The following RAB10 variants were observed in gnomAD, a reference collection of about 807,000 sequenced individuals.
The protein encoded by RAB10 is RAB10, member RAS oncogene family.
In RAB10, 5 loss-of-function variants were observed where a neutral mutation model predicts 25.7. The observed-to-expected ratio is 0.19, with a 90% CI of 0.10 to 0.41. The LOEUF is 0.41. Ranked by LOEUF, RAB10 falls within the 10% of genes least tolerant of loss-of-function variation. The pLI, the probability that RAB10 is intolerant of heterozygous loss-of-function variation, is 1.00. For missense variants in RAB10, 103 were observed against 245.8 expected (o/e 0.42, Z 3.89); for synonymous variants, 89 against 86.4 (o/e 1.03, Z -0.16).
chr2:26,034,434 C>T lies in RAB10; in HGVS notation c.-175C>T. The T allele has an allele frequency of 2.5e-6, 2 of 815,322 alleles. No individual in the cohort carries two copies. The highest frequency in any genetic ancestry group is 2.7e-5 in the East Asian group (1 of 37,244). 50.5% of individuals were successfully genotyped at this position (815,322 alleles called of 1,614,324 possible). A position where few individuals can be genotyped will look rare whatever the true frequency, so the allele number is the denominator to read the frequency against. Reference sequence around the variant, plus strand: ...CGCCGCCCTCGGAGGCACTGGACGCCGCCACTGTCGGGGCTTCCTCAAAGC... The same window carrying T: ...CGCCGCCCTCGGAGGCACTGGACGCTGCCACTGTCGGGGCTTCCTCAAAGC... On this transcript the variant is annotated 5_prime_UTR_variant, in exon 1 of 6. Transcript: ENST00000264710.
At chr2:26,070,656 A>G (rs942294780) in intron 1 of RAB10, among the ~76,000 whole-genome samples, 2 of 152,216 alleles carry the variant, frequency 1.3e-5, no homozygotes, top group Non-Finnish European at 2.9e-5. Context: ...TCTTAAACAT[A>G]GCGATGGAAA....
At chr2:26,087,185 T>C (rs983623645) in intron 1 of RAB10, among the ~76,000 whole-genome samples, 3 of 152,156 alleles carry the variant, frequency 2.0e-5, no homozygotes, top group African/African-American at 7.2e-5. Context: ...GCATGCATGG[T>C]ATGAATCAGA....
At chr2:26,039,270 C>T (rs1665833030) in intron 1 of RAB10, among the ~76,000 whole-genome samples, 2 of 151,912 alleles carry the variant, frequency 1.3e-5, no homozygotes, top group Admixed American at 6.6e-5. Flanking sequence ...ATCCGCCCAC[C>T]TTGGCCTCCC....
At chr2:26,075,815 T>C (rs541104833) in intron 1 of RAB10, among the ~76,000 whole-genome samples, 45 of 152,148 alleles carry the variant, frequency 3.0e-4, no homozygotes, top group Non-Finnish European at 5.1e-4. Context: ...TAGAAAAATA[T>C]GAAAACTTAC....
At chr2:26,087,838 A>T (rs1667018948) in intron 1 of RAB10, among the ~76,000 whole-genome samples, 1 of 152,246 alleles carries the variant, frequency 6.6e-6, no homozygotes, top group Admixed American at 6.5e-5. Flanking sequence ...TAAAATGTTA[A>T]CTACGCTGTT....
In RAB10 at chr2:26,034,373, G is replaced by C; in HGVS notation, c.-236G>C. On this transcript the variant is annotated 5_prime_UTR_variant, in exon 1 of 6. Coordinates refer to ENST00000264710, the MANE Select transcript of RAB10 (RefSeq NM_016131.5). ...TTGTCCCGACCGACTCCCCGGAACCGGGCGGACGGGCTGGGAGAGGCTGCG... is the reference window on the plus strand; with the variant it reads ...TTGTCCCGACCGACTCCCCGGAACCCGGCGGACGGGCTGGGAGAGGCTGCG... 1.7e-6 allele frequency: 1 copy of C among 597,518 alleles called. No individual in the cohort carries two copies. Among genetic ancestry groups the C allele is most frequent in the South Asian group, 2.1e-5 (1 of 47,506 alleles). 37.0% of individuals were successfully genotyped at this position (597,518 alleles called of 1,614,324 possible).
upstream of RAB10, among the ~76,000 whole-genome samples, chr2:26,033,603 T>G (rs1410253201): frequency 2.0e-5 from 3 of 152,188 alleles, no homozygotes; most frequent in East Asian, 5.8e-4. Flanking sequence ...TTTCTCGCGT[T>G]TACGAGCTCC....
At chr2:26,077,015 G>A (rs1666751992) in intron 1 of RAB10, among the ~76,000 whole-genome samples, 1 of 147,296 alleles carries the variant, frequency 6.8e-6, no homozygotes, top group African/African-American at 2.5e-5. Context: ...AAGAAATGAA[G>A]GAATTCATTA....
Position 26,135,035 on chromosome 2 carries a change from C to T in RAB10, c.*14C>T, listed in dbSNP as rs775933068. The T allele has an allele frequency of 1.9e-6, 3 of 1,594,050 alleles. No individual in the cohort carries two copies. The highest frequency in any genetic ancestry group is 1.1e-5 in the South Asian group (1 of 89,940). ...AAATGCTGCTGAGCATTCTCCTGTT[C>T]CATCAGTTGCCATCCACTACCCCGT... On this transcript the variant is annotated 3_prime_UTR_variant, in exon 6 of 6. Coordinates refer to ENST00000264710, the MANE Select transcript of RAB10 (RefSeq NM_016131.5).
At chr2:26,055,160 G>C (rs1243811599) in intron 1 of RAB10, among the ~76,000 whole-genome samples, 1 of 152,076 alleles carries the variant, frequency 6.6e-6, no homozygotes, top group Non-Finnish European at 1.5e-5. Flanking sequence ...GTAGTATACA[G>C]TTGGTGGCTG....
intron 5 of RAB10, among the ~76,000 whole-genome samples, chr2:26,130,597 C>A (rs750508156): frequency 6.6e-6 from 1 of 152,108 alleles, no homozygotes; most frequent in Non-Finnish European, 1.5e-5. Flanking sequence ...GGACACATCA[C>A]CATCCCTCAC....
intron 1 of RAB10, among the ~76,000 whole-genome samples, chr2:26,082,751 T>C (rs1437149911): frequency 6.6e-6 from 1 of 152,172 alleles, no homozygotes; most frequent in East Asian, 1.9e-4. Flanking sequence ...CCAAGTTGTT[T>C]TATGGGATCA....
At chr2:26,131,277 G>GA (rs531422193) in intron 5 of RAB10, among the ~76,000 whole-genome samples, 83 of 151,128 alleles carry the variant, frequency 5.5e-4, no homozygotes, top group South Asian at 1.0e-3. Flanking sequence ...GTACGCTAAA[G>GA]AAAAAAAAAT....
At chr2:26,062,432 C>G (rs1666420166) in intron 1 of RAB10, among the ~76,000 whole-genome samples, 1 of 152,110 alleles carries the variant, frequency 6.6e-6, no homozygotes, top group Non-Finnish European at 1.5e-5. Context: ...AATCCCAGCA[C>G]TTTGGGAGAC....
chr2:26,041,331 A>G (rs1274252248), intron 1 of RAB10, among the ~76,000 whole-genome samples: 2 of 151,858 alleles, frequency 1.3e-5, no homozygotes, highest in Non-Finnish European at 2.9e-5. Context: ...ACCAGAGGTC[A>G]GGAGTTTGAG....
chr2:26,042,051 G>C (rs922091118), intron 1 of RAB10, among the ~76,000 whole-genome samples: 3 of 152,196 alleles, frequency 2.0e-5, no homozygotes, highest in Non-Finnish European at 4.4e-5. Context: ...TTACTTATTA[G>C]TGATGTGGGA....
intron 1 of RAB10, among the ~76,000 whole-genome samples, chr2:26,037,789 G>A (rs1299192637): frequency 1.3e-5 from 2 of 152,166 alleles, no homozygotes; most frequent in Non-Finnish European, 2.9e-5. Context: ...TAGAATATGT[G>A]ACTCTTCTGC....
chr2:26,039,015 C>CTTTT (rs70950162), intron 1 of RAB10, among the ~76,000 whole-genome samples: 1 of 108,950 alleles, frequency 9.2e-6, no homozygotes, highest in Non-Finnish European at 1.8e-5. Context: ...TTAATAGCCA[C>CTTTT]TTTTTTTTTT....
chr2:26,072,204 A>C (rs1378521045), intron 1 of RAB10, among the ~76,000 whole-genome samples: 6 of 152,084 alleles, frequency 3.9e-5, no homozygotes, highest in Non-Finnish European at 8.8e-5. Context: ...GGATCATGAG[A>C]TCAAGAGATT....
Sources: gnomAD v4.1 joint callset for allele counts (sites outside exome capture counted in the v4.1 genomes callset) on GRCh38, gnomAD v4.1.1 for gene constraint, MANE v1.5 for transcripts, NCBI Gene and HGNC (gene_info 2026-07-23, HGNC 2026-07-21) for gene names.